The following MED13 variants were observed in gnomAD, a reference collection of about 807,000 sequenced individuals.
MED13 encodes mediator complex subunit 13.
MED13 carries 23 observed loss-of-function variants against 225.2 expected under a neutral mutation model. The observed-to-expected ratio is 0.10, with a 90% CI of 0.07 to 0.14. The LOEUF is 0.14. MED13 is among the 10% of genes least tolerant of loss of function. MED13 has a pLI of 1.00. For synonymous variants in MED13, 942 were observed against 889.2 expected, an observed-to-expected ratio of 1.06 and a Z score of -1.06; for missense variants, 2,197 against 2,594.5, an observed-to-expected ratio of 0.85 and a Z score of 3.33.
intron 16 of MED13, among the ~76,000 whole-genome samples, chr17:61,980,972 C>T (rs542234687): frequency 6.6e-6 from 1 of 152,000 alleles, no homozygotes; most frequent in Non-Finnish European, 1.5e-5. Flanking sequence ...GATCTGCCCA[C>T]CTCAGTCTCC....
chr17:61,972,631 A>C, intron 17 of MED13, 96 bp downstream of exon 17: 2 of 1,167,222 alleles, frequency 1.7e-6, no homozygotes, highest in South Asian at 3.4e-5. Context: ...TATCACAAAT[A>C]TATTTAAAGA....
At chr17:62,041,708 G>A (rs1208085265) in intron 3 of MED13, among the ~76,000 whole-genome samples, 1 of 152,080 alleles carries the variant, frequency 6.6e-6, no homozygotes, top group Non-Finnish European at 1.5e-5. Flanking sequence ...AACGAAGTTA[G>A]GTGGGACTAC....
intron 9 of MED13, chr17:62,006,325 G>A (rs772789545): frequency 2.2e-4 from 33 of 149,238 alleles, no homozygotes; most frequent in African/African-American, 8.1e-4. Context: ...AGGGGAGACA[G>A]GAAGGAGAAG....
At chr17:62,012,327 C>CA (rs1168325939) in intron 8 of MED13, among the ~76,000 whole-genome samples, 6 of 129,646 alleles carry the variant, frequency 4.6e-5, no homozygotes, top group Non-Finnish European at 9.7e-5. Flanking sequence ...CACTAAGAAA[C>CA]TTTTTTTTTT....
At chr17:61,968,340 T>C in intron 17 of MED13, 82 bp from the exon 18 acceptor site, 1 of 1,051,246 alleles carries the variant, frequency 9.5e-7, no homozygotes, top group South Asian at 2.2e-5. Context: ...TTTATTTATT[T>C]TTTGAGACAG....
chr17:62,027,552 A>T (rs2080714069), intron 8 of MED13, among the ~76,000 whole-genome samples: 1 of 152,236 alleles, frequency 6.6e-6, no homozygotes, highest in South Asian at 2.1e-4. Context: ...TGTCAAAAGC[A>T]ATCACAACAA....
At chr17:62,015,647 C>G (rs1246096239) in intron 8 of MED13, among the ~76,000 whole-genome samples, 6 of 149,804 alleles carry the variant, frequency 4.0e-5, no homozygotes, top group Admixed American at 1.3e-4. Context: ...GATCTCCGCT[C>G]ACTGTAACCT....
chr17:61,968,897 G>A (rs981278597), intron 17 of MED13, among the ~76,000 whole-genome samples: 1 of 152,140 alleles, frequency 6.6e-6, no homozygotes, highest in Non-Finnish European at 1.5e-5. Flanking sequence ...GACTACAGGT[G>A]TGTGCCACTA....
chr17:61,957,410 C>T (rs1316675305), intron 23 of MED13, among the ~76,000 whole-genome samples: 1 of 151,576 alleles, frequency 6.6e-6, no homozygotes, highest in Non-Finnish European at 1.5e-5. Flanking sequence ...AGTGCAGTGG[C>T]ATGATCTCTG....
At chr17:62,015,817 C>CATACACACTATATAT (rs1388336560) in intron 8 of MED13, among the ~76,000 whole-genome samples, 1 of 114,338 alleles carries the variant, frequency 8.7e-6, no homozygotes, top group Non-Finnish European at 1.8e-5. Context: ...TATATATATA[C>CATACACACTATATAT]ATACACACTA....
chr17:61,992,430 G>T, intron 11 of MED13, 110 bp downstream of exon 11: 1 of 613,608 alleles, frequency 1.6e-6, no homozygotes, highest in Non-Finnish European at 2.8e-6. Flanking sequence ...TCCTTTCTAT[G>T]AAACATAATG....
At chr17:61,966,799 A>G (rs1473368989) in intron 18 of MED13, 148 bp from the exon 19 acceptor site, 3 of 492,318 alleles carry the variant, frequency 6.1e-6, no homozygotes, top group Non-Finnish European at 6.7e-6. Flanking sequence ...TGTTTTTAGA[A>G]GTAGGCCAAA....
intron 3 of MED13, 122 bp downstream of exon 3, chr17:62,052,415 T>C: frequency 1.6e-6 from 1 of 626,188 alleles, no homozygotes; most frequent in Non-Finnish European, 2.4e-6. Context: ...TATCTAGTAC[T>C]CTGTCACTGA....
At chr17:62,034,302 T>C (rs1341374829) in intron 4 of MED13, among the ~76,000 whole-genome samples, 3 of 151,566 alleles carry the variant, frequency 2.0e-5, no homozygotes, top group Non-Finnish European at 2.9e-5. Flanking sequence ...CTGGTCAACA[T>C]GGTGAAACCC....
chr17:61,978,598 T>G (rs551329813), intron 16 of MED13, among the ~76,000 whole-genome samples: 1 of 152,160 alleles, frequency 6.6e-6, no homozygotes, highest in Non-Finnish European at 1.5e-5. Flanking sequence ...ATTGACCCTA[T>G]TTTAAGAAAT....
At chr17:62,056,242 T>C (rs776713899) in intron 2 of MED13, among the ~76,000 whole-genome samples, 20 of 150,842 alleles carry the variant, frequency 1.3e-4, no homozygotes, top group Non-Finnish European at 3.0e-4. Context: ...GTAATAAAAG[T>C]ACTTTCTACA....
Position 62,035,525 on chromosome 17 carries a change from G to C in MED13, c.554C>G (p.Pro185Arg). 6.2e-7 allele frequency: 1 copy of C among 1,613,328 alleles called. No individual in the cohort carries two copies. Among genetic ancestry groups the C allele is most frequent in the Non-Finnish European group, 8.5e-7 (1 of 1,179,410 alleles). ...CTSVEINQHQ[P>R]VYLLSEEHIT... is the part of the protein sequence containing the mutation. ...ATGCTCTTCACTGAGAAGGTATACA[G>C]GTTGATGTTGGTTAATTTCCACACT... Residue 185 changes from proline (P) to arginine (R), a missense_variant, in exon 4 of 30, where the codon CCT (proline) becomes CGT (arginine). Around this residue, in one of 12 missense-constraint regions of MED13, gnomAD observed 884 missense variants for 918.5 expected, o/e 0.96. Coordinates refer to ENST00000397786, the MANE Select transcript of MED13 (RefSeq NM_005121.3).
Position 61,952,993 on chromosome 17 carries a change from T to C in MED13, c.6089A>G (p.His2030Arg), listed in dbSNP as rs977683079. ...TGSPVHSPGS[H>R]YPHGGDAGKG... The stretch of plus-strand genomic sequence containing the variant: ...GCCCGCATCACCTCCATGGGGGTAA[T>C]GAGATCCTGGAGAATGTACAGGAGA... Residue 2030 changes from histidine to arginine, a missense_variant, in exon 27 of 30, where the codon CAT becomes CGT. Transcript: ENST00000397786. 1.2e-6 allele frequency: 2 copies of C among 1,610,172 alleles called. No individual in the cohort carries two copies. The highest frequency in any genetic ancestry group is 1.1e-5 in the South Asian group (1 of 90,962).
Position 61,944,290 on chromosome 17 carries a change from A to G in MED13, c.*2178T>C, listed in dbSNP as rs2079836258. 2.0e-5 allele frequency: 3 copies of G among 152,530 alleles called. No homozygotes were observed. The highest frequency in any genetic ancestry group is 2.0e-4 in the Admixed American group (3 of 15,260). The allele number at this position is 152,530 out of a possible 1,614,324, so 9.4% of individuals were successfully genotyped here. On this transcript the variant is annotated 3_prime_UTR_variant, in exon 30 of 30. Transcript: ENST00000397786. Reference sequence around the variant, plus strand: ...ACTGAGAATATAACTTTTATTTTGTAAAGTCACTATTAAGTGTATAAAAAG... The same window carrying G: ...ACTGAGAATATAACTTTTATTTTGTGAAGTCACTATTAAGTGTATAAAAAG...
Sources: gnomAD v4.1 joint callset for allele counts (sites outside exome capture counted in the v4.1 genomes callset) on GRCh38, gnomAD v4.1.1 for gene constraint, gnomAD v4.1.1 regional missense constraint, MANE v1.5 for transcripts, NCBI Gene and HGNC (gene_info 2026-07-23, HGNC 2026-07-21) for gene names.